CAMTA1: variants seen among roughly 807,000 people sequenced by gnomAD.
CAMTA1 encodes the protein calmodulin-binding transcription activator 1.
CAMTA1 carries 27 observed loss-of-function variants against 170.9 expected under a neutral mutation model. That is an observed-to-expected ratio of 0.16 (90% CI 0.12 to 0.22). The LOEUF is 0.22. CAMTA1 is among the 10% of genes least tolerant of loss of function. CAMTA1 has a pLI of 1.00. For missense variants in CAMTA1, 1,619 were observed against 2,217.2 expected, an observed-to-expected ratio of 0.73 and a Z score of 5.42; for synonymous variants, 833 against 891.5, an observed-to-expected ratio of 0.93 and a Z score of 1.17.
chr1:6,893,013 G>C (rs1674871768), intron 3 of CAMTA1, among the ~76,000 whole-genome samples: 1 of 152,116 alleles, frequency 6.6e-6, no homozygotes, highest in Non-Finnish European at 1.5e-5. Context: ...GGGCGCGGTG[G>C]CTCACGCCTG....
chr1:7,666,604 C>T (rs2096003811), intron 9 of CAMTA1, among the ~76,000 whole-genome samples: 1 of 152,218 alleles, frequency 6.6e-6, no homozygotes, highest in Non-Finnish European at 1.5e-5. Context: ...CTACCCAGCC[C>T]ATCTGGGTGC....
intron 3 of CAMTA1, among the ~76,000 whole-genome samples, chr1:6,888,471 A>G (rs1673799659): frequency 6.6e-6 from 1 of 152,366 alleles, no homozygotes; most frequent in Non-Finnish European, 1.5e-5. Context: ...AACATGAGTC[A>G]TGTCTCTGGA....
At chr1:7,078,923 A>G (rs952036066) in intron 3 of CAMTA1, among the ~76,000 whole-genome samples, 6 of 152,236 alleles carry the variant, frequency 3.9e-5, no homozygotes, top group Non-Finnish European at 8.8e-5. Context: ...GCAGAATATC[A>G]TACAGGAGAA....
At chr1:7,042,324 G>T (rs921135776) in intron 3 of CAMTA1, among the ~76,000 whole-genome samples, 1 of 152,220 alleles carries the variant, frequency 6.6e-6, no homozygotes, top group African/African-American at 2.4e-5. Context: ...GTACCATGGA[G>T]TGTGGGCAGA....
rs1193442014 is a variant in CAMTA1, at chr1:7,673,262, T to A, written c.2779+2225T>A. Among the ~76,000 whole-genome samples the A allele has an allele frequency of 6.6e-6, 1 of 152,206 alleles. No individual in the cohort carries two copies. Among genetic ancestry groups the A allele is most frequent in the Non-Finnish European group, 1.5e-5 (1 of 68,036 alleles). ...CTGGAGTCAGCCACACTCGGGTCCA[T>A]CCCAGATCAGCCAGAAACCATCCCT... is the stretch of plus-strand genomic sequence containing the variant. On this transcript the variant is annotated intron_variant, in intron 10 of 22. Transcript: ENST00000303635. The surrounding 1 kb of genome is among the most constrained non-coding windows in gnomAD (Gnocchi z 4.6).
intron 6 of CAMTA1, among the ~76,000 whole-genome samples, chr1:7,545,247 C>G (rs2094675169): frequency 6.6e-6 from 1 of 152,136 alleles, no homozygotes; most frequent in South Asian, 2.1e-4. Flanking sequence ...AAACTTTTTT[C>G]TGAACCATTT....
intron 16 of CAMTA1, among the ~76,000 whole-genome samples, chr1:7,740,829 A>T (rs1207418496): frequency 6.6e-6 from 1 of 152,272 alleles, no homozygotes; most frequent in Non-Finnish European, 1.5e-5. Context: ...ACCTTTAAAA[A>T]ATCCACTTCC....
rs74055166 is a variant in CAMTA1, at chr1:7,606,400, A to G, written c.511-34000A>G. On this transcript the variant is annotated intron_variant, in intron 6 of 22. Coordinates refer to ENST00000303635, the MANE Select transcript of CAMTA1 (RefSeq NM_015215.4). ...ACACTCCCTCTAGAGGCTCAGATCA[A>G]TTCTCGTGCTTTTATCTTTTCTTGA... Among the ~76,000 whole-genome samples, 573 of 152,322 alleles carry G rather than the reference A, an allele frequency of 3.8e-3. 2 individuals are homozygous for G. Among genetic ancestry groups the G allele is most frequent in the African/African-American group, 0.013 (557 of 41,560 alleles).
At chr1:6,954,269 C>T (rs1233369274) in intron 3 of CAMTA1, among the ~76,000 whole-genome samples, 1 of 152,150 alleles carries the variant, frequency 6.6e-6, no homozygotes, top group Non-Finnish European at 1.5e-5. Context: ...CCAGGTGCCC[C>T]GTGGAAAGAC....
chr1:7,566,593 A>C (rs2095045675), intron 6 of CAMTA1, among the ~76,000 whole-genome samples: 1 of 151,988 alleles, frequency 6.6e-6, no homozygotes, highest in Non-Finnish European at 1.5e-5. Flanking sequence ...AAATCACATG[A>C]CCATGGCTTT....
In CAMTA1 at chr1:7,610,976, C is replaced by T. The variant is rs191271650; in HGVS notation, c.511-29424C>T. Among the ~76,000 whole-genome samples, 349 of 152,376 alleles carry T rather than the reference C, an allele frequency of 2.3e-3. 3 individuals are homozygous for T. Among genetic ancestry groups the T allele is most frequent in the African/African-American group, 8.0e-3 (334 of 41,594 alleles). On this transcript the variant is annotated intron_variant, in intron 6 of 22. Transcript: ENST00000303635. ...CAGAGGGGAAGCTAAGTGGCCAAGA[C>T]GCAGGCCCAGGCCTGAGACCCCTAG...
chr1:7,222,312 T>C (rs937224309), intron 4 of CAMTA1, among the ~76,000 whole-genome samples: 5 of 152,298 alleles, frequency 3.3e-5, no homozygotes, highest in Non-Finnish European at 7.4e-5. Context: ...TGAGCACCTC[T>C]GGCTGTGAGG....
chr1:7,172,208 G>A (rs917262370), intron 4 of CAMTA1, among the ~76,000 whole-genome samples: 2 of 151,892 alleles, frequency 1.3e-5, no homozygotes, highest in African/African-American at 4.8e-5. Context: ...GGAGTGCAGT[G>A]GCGCTATCTT....
intron 21 of CAMTA1, 139 bp downstream of exon 21, chr1:7,752,672 G>A (rs747291220): frequency 9.3e-5 from 59 of 633,250 alleles, no homozygotes; most frequent in Non-Finnish European, 1.3e-4. Context: ...ACAATAGGGC[G>A]GTAGAGCTCT....
intron 5 of CAMTA1, among the ~76,000 whole-genome samples, chr1:7,386,081 C>A (rs765646471): frequency 2.0e-5 from 3 of 152,204 alleles, no homozygotes; most frequent in Non-Finnish European, 4.4e-5. Flanking sequence ...GGAAGTCTGG[C>A]TTCACAGGGA....
At position 7,680,118 on chromosome 1, in the gene CAMTA1, C is replaced by G. The variant is rs1464544022; in HGVS notation, c.2914+2385C>G. ...CGCAGCGCAAAGGGGGCCGCGGGAACAGCTAGTCGGGAGCGCGGGGGTCCC... is the reference window on the plus strand; with the variant it reads ...CGCAGCGCAAAGGGGGCCGCGGGAAGAGCTAGTCGGGAGCGCGGGGGTCCC... On this transcript the variant is annotated intron_variant, in intron 11 of 22. Coordinates refer to ENST00000303635, the MANE Select transcript of CAMTA1 (RefSeq NM_015215.4). This position sits in a 1 kb window ranked among gnomAD's most constrained non-coding sequence, Gnocchi z 4.4. 1 of 178,016 alleles carries G rather than the reference C, an allele frequency of 5.6e-6. No individual in the cohort carries two copies. Among genetic ancestry groups the G allele is most frequent in the East Asian group, 1.9e-4 (1 of 5,236 alleles). 11.0% of individuals were successfully genotyped at this position (178,016 alleles called of 1,614,324 possible).
intron 6 of CAMTA1, among the ~76,000 whole-genome samples, chr1:7,573,538 C>T (rs1160193536): frequency 1.3e-5 from 2 of 152,206 alleles, no homozygotes; most frequent in Non-Finnish European, 2.9e-5. Flanking sequence ...CAGAGATGTC[C>T]AAAACCACAG....
chr1:7,513,962 CAT>C (rs936344462), intron 6 of CAMTA1, among the ~76,000 whole-genome samples: 5 of 151,720 alleles, frequency 3.3e-5, no homozygotes, highest in Non-Finnish European at 7.4e-5. Context: ...CACACACACA[CAT>C]ACACACACAA....
At chr1:7,255,137 G>A (rs1022400406) in intron 5 of CAMTA1, among the ~76,000 whole-genome samples, 1 of 152,186 alleles carries the variant, frequency 6.6e-6, no homozygotes, top group African/African-American at 2.4e-5. Context: ...GGGCCTGTCA[G>A]GGAGTCGGGG....
Sources: gnomAD v4.1 joint callset for allele counts (sites outside exome capture counted in the v4.1 genomes callset) on GRCh38, gnomAD v4.1.1 for gene constraint, Gnocchi (gnomAD v3.1) non-coding constraint, MANE v1.5 for transcripts, NCBI Gene and HGNC (gene_info 2026-07-23, HGNC 2026-07-21) for gene names.